The following KCMF1 variants were observed in gnomAD, a reference collection of about 807,000 sequenced individuals.
KCMF1 encodes E3 ubiquitin-protein ligase KCMF1.
In KCMF1, 3 loss-of-function variants were observed where a neutral mutation model predicts 41.1. The observed-to-expected ratio is 0.07, with a 90% confidence interval of 0.03 to 0.19. The LOEUF is 0.19. Among genes scored for constraint, KCMF1 ranks in the 10% least tolerant of loss-of-function variants. The pLI, the probability that KCMF1 is intolerant of heterozygous loss-of-function variation, is 1.00. For missense variants in KCMF1, 286 were observed against 488.9 expected (o/e 0.58, Z 3.91); for synonymous variants, 142 against 164.5 (o/e 0.86, Z 1.04).
chr2:85,007,028 G>A (rs1674487942), intron 1 of KCMF1, among the ~76,000 whole-genome samples: 1 of 149,080 alleles, frequency 6.7e-6, no homozygotes, highest in Non-Finnish European at 1.5e-5. Context: ...TTGGACCCGG[G>A]AGCCAGAGGT....
chr2:85,000,773 C>CT lies in KCMF1; in HGVS notation c.17-27095dup, dbSNP rs1234800307. ...TAGGTATTATGCTTAGATAATTTTACTTTTTTTTTTTTTTTTTTTTTAAGA... is the reference window on the plus strand; with the variant it reads ...TAGGTATTATGCTTAGATAATTTTACTTTTTTTTTTTTTTTTTTTTTTAAGA... On this transcript the variant is annotated intron_variant, in intron 1 of 6. Transcript: ENST00000409785. Among the ~76,000 whole-genome samples, 468 of 118,586 alleles carry CT rather than the reference C, an allele frequency of 3.9e-3. 1 individual carries two copies. The highest frequency in any genetic ancestry group is 0.014 in the Middle Eastern group (3 of 212). The allele number at this position is 118,586 out of a possible 152,430, so 77.8% of individuals were successfully genotyped here.
chr2:85,024,583 A>AGAGT (rs1219534094), intron 1 of KCMF1, among the ~76,000 whole-genome samples: 315 of 124,314 alleles, frequency 2.5e-3, no homozygotes, highest in African/African-American at 5.3e-3. Context: ...AGAGAGAGAG[A>AGAGT]GTGTGTGTGT....
chr2:85,029,183 GC>G (rs1675197897), intron 2 of KCMF1, among the ~76,000 whole-genome samples: 1 of 141,036 alleles, frequency 7.1e-6, no homozygotes. Flanking sequence ...TGTTGGCCAG[GC>G]TGGTCTTGAC....
intron 5 of KCMF1, 106 bp downstream of exon 5, chr2:85,046,384 C>G: frequency 1.4e-5 from 11 of 793,044 alleles, no homozygotes; most frequent in South Asian, 1.9e-5. Context: ...AATCCCAGCA[C>G]TCTGGGAGGC....
At position 85,053,290 on chromosome 2, in the gene KCMF1, G is replaced by A. The variant is rs763266015; in HGVS notation, c.1027G>A (p.Glu343Lys). 3.5e-5 allele frequency: 56 copies of A among 1,613,850 alleles called. No individual in the cohort carries two copies. The highest frequency in any genetic ancestry group is 4.7e-5 in the Non-Finnish European group (55 of 1,179,898). Residue 343 changes from glutamate to lysine, a missense_variant, in exon 7 of 7, where the codon GAG (glutamate) becomes AAG (lysine). Glu to Lys is a moderately conservative substitution (Grantham distance 56). Around this residue, in one of 2 missense-constraint regions of KCMF1, gnomAD observed 191 missense variants for 279.3 expected, o/e 0.68. Transcript: ENST00000409785. ...SSSSDEDDRG[E>K]MADFGAMGCV... ...ATCCTCAGATGAGGATGATCGGGGG[G>A]AGATGGCAGATTTTGGTGCTATGGG...
rs764731804 is a variant in KCMF1 at position 85,043,614 on chromosome 2, G to A, written c.375G>A (p.Thr125=). ...ALPGGDPNHV[T]DDFAAHLTLE... ...CTGGAGGCGATCCTAATCATGTCAC[G>A]GATGACTTTGCAGCTCATCTTACAC... The change falls in exon 4 of 7, where the codon ACG becomes ACA. Residue 125 remains threonine (T), a synonymous_variant. Transcript: ENST00000409785. The A allele has an allele frequency of 1.5e-5, 24 of 1,613,130 alleles. No homozygotes were observed. In the Admixed American group the frequency reaches 2.2e-4, roughly 15 times the overall value.
At chr2:85,009,130 G>C (rs1674592774) in intron 1 of KCMF1, among the ~76,000 whole-genome samples, 1 of 152,112 alleles carries the variant, frequency 6.6e-6, no homozygotes, top group African/African-American at 2.4e-5. Context: ...GGAGGTGATT[G>C]AATCATGGGG....
chr2:84,994,454 A>T (rs1469126008), intron 1 of KCMF1, among the ~76,000 whole-genome samples: 2 of 151,888 alleles, frequency 1.3e-5, no homozygotes, highest in Non-Finnish European at 2.9e-5. Context: ...CCCAGGCTGG[A>T]GTGCAATGGC....
intron 1 of KCMF1, among the ~76,000 whole-genome samples, chr2:84,994,572 T>C (rs905768360): frequency 6.6e-6 from 1 of 152,072 alleles, no homozygotes; most frequent in Non-Finnish European, 1.5e-5. Flanking sequence ...CCCAGCTAAT[T>C]TTGCATTTTT....
rs1674179443 is a variant in KCMF1 at position 84,996,503 on chromosome 2, C to T, written c.16+25036C>T. On this transcript the variant is annotated intron_variant, in intron 1 of 6. Transcript: ENST00000409785. ...CAGGCTGGAGTGCAGTGGTGCAATCCCGGCTCACTGGAACCTCCGCCTCCT... is the reference window on the plus strand; with the variant it reads ...CAGGCTGGAGTGCAGTGGTGCAATCTCGGCTCACTGGAACCTCCGCCTCCT... 2.0e-5 allele frequency among the ~76,000 whole-genome samples: 3 copies of T among 147,626 alleles called. 1 individual carries two copies. The Middle Eastern group carries it at 0.01, about 509-fold the overall frequency.
At chr2:85,008,356 T>C (rs9677102) in intron 1 of KCMF1, among the ~76,000 whole-genome samples, 1 of 60,972 alleles carries the variant, frequency 1.6e-5, no homozygotes, top group African/African-American at 7.8e-5. Context: ...TAATATATAA[T>C]ATATATTATA....
intron 1 of KCMF1, 55 bp downstream of exon 1, chr2:84,971,522 C>A (rs887845192): frequency 2.8e-6 from 3 of 1,064,890 alleles, no homozygotes; most frequent in Non-Finnish European, 3.5e-6. Context: ...CTACCCCGCC[C>A]GGGCCGGGCG....
intron 1 of KCMF1, among the ~76,000 whole-genome samples, chr2:85,012,861 G>C (rs1030799464): frequency 2.6e-5 from 4 of 152,200 alleles, no homozygotes; most frequent in Non-Finnish European, 5.9e-5. Flanking sequence ...TGGAGGACTT[G>C]CTAACATTTT....
At chr2:85,024,739 GA>G (rs1333848545) in intron 1 of KCMF1, among the ~76,000 whole-genome samples, 1 of 152,052 alleles carries the variant, frequency 6.6e-6, no homozygotes, top group Non-Finnish European at 1.5e-5. Context: ...ATGTGGAATT[GA>G]TTTTTTGTGT....
chr2:85,008,374 TG>T (rs375988011), intron 1 of KCMF1, among the ~76,000 whole-genome samples: 9 of 29,420 alleles, frequency 3.1e-4, no homozygotes, highest in African/African-American at 7.7e-4. Context: ...ATATATCATA[TG>T]ATATATTATA....
intron 1 of KCMF1, among the ~76,000 whole-genome samples, chr2:84,982,743 T>C (rs1156998745): frequency 6.6e-6 from 1 of 152,064 alleles, no homozygotes; most frequent in Non-Finnish European, 1.5e-5. Flanking sequence ...TTGAGGATGG[T>C]TGGATGGTGA....
intron 1 of KCMF1, among the ~76,000 whole-genome samples, chr2:84,996,103 A>G (rs1196558801): frequency 6.6e-6 from 1 of 152,244 alleles, no homozygotes; most frequent in Non-Finnish European, 1.5e-5. Context: ...GTATGTTAAA[A>G]TCATGCAAAA....
At chr2:85,019,987 G>A (rs1307877617) in intron 1 of KCMF1, among the ~76,000 whole-genome samples, 1 of 152,102 alleles carries the variant, frequency 6.6e-6, no homozygotes, top group Non-Finnish European at 1.5e-5. Flanking sequence ...AGGGCTTACA[G>A]TTACGGAACT....
chr2:85,049,690 T>G, intron 6 of KCMF1, 42 bp downstream of exon 6: 1 of 1,481,044 alleles, frequency 6.8e-7, no homozygotes. Flanking sequence ...GAAGTAATAT[T>G]TTATTGCCAC....
Sources: allele counts gnomAD v4.1 joint callset (sites outside exome capture counted in the v4.1 genomes callset), GRCh38; gene constraint gnomAD v4.1.1; regional missense constraint gnomAD v4.1.1; transcripts MANE v1.5; gene names NCBI Gene and HGNC (gene_info 2026-07-23, HGNC 2026-07-21).